ZMYM1: variants seen among roughly 807,000 people sequenced by gnomAD.
ZMYM1 encodes the protein zinc finger MYM-type protein 1.
Under a neutral mutation model 60.0 loss-of-function variants are expected in ZMYM1, and 39 were observed. The ratio of observed to expected loss-of-function variants is 0.65; its 90% CI spans 0.50 to 0.85. The LOEUF (loss-of-function observed/expected upper bound fraction) is 0.85. Ranked by LOEUF, ZMYM1 falls within the 40% of genes least tolerant of loss-of-function variation. The pLI, the probability that ZMYM1 is intolerant of heterozygous loss-of-function variation, is 0.00. For missense variants in ZMYM1, 1,171 were observed against 1,309.5 expected, an observed-to-expected ratio of 0.89 and a Z score of 1.63; for synonymous variants, 413 against 454.0, an observed-to-expected ratio of 0.91 and a Z score of 1.15.
In ZMYM1 at chr1:35,114,856, C is replaced by T; in HGVS notation, c.3026C>T (p.Thr1009Ile). ...FKWNEPLNET[T>I]AKHVQEFYKL... ...TGGAATGAACCATTAAATGAAACAA[C>T]AGCAAAACATGTTCAGGAATTTTAT... Residue 1009 changes from threonine (T) to isoleucine (I), a missense_variant, in exon 10 of 10, where the codon ACA becomes ATA. Physicochemically the swap from Thr to Ile is moderately conservative, Grantham distance 89. Transcript: ENST00000359858. The T allele has an allele frequency of 1.2e-6, 2 of 1,605,956 alleles. No homozygotes were observed. The highest frequency in any genetic ancestry group is 2.2e-5 in the South Asian group (2 of 89,602).
rs1383154668 is a variant in ZMYM1, at chr1:35,110,380, G to A, written c.894G>A (p.Lys298=). The part of the protein sequence containing the change: ...EMIETTSDLG[K]TELFCSINCF... ...TTGAGACTACGAGTGATTTGGGGAA[G>A]ACAGAGCTTTTCTGCTCTATTAATT... is the stretch of plus-strand genomic sequence containing the variant. Residue 298 remains lysine, a synonymous_variant, in exon 7 of 10, where the codon AAG becomes AAA. Coordinates refer to ENST00000359858, the MANE Select transcript of ZMYM1 (RefSeq NM_024772.5). 1 of 1,595,324 alleles carries A rather than the reference G, an allele frequency of 6.3e-7. No individual in the cohort carries two copies. Among genetic ancestry groups the A allele is most frequent in the South Asian group, 1.1e-5 (1 of 87,974 alleles).
chr1:35,113,672 T>C lies in ZMYM1; in HGVS notation c.1842T>C (p.Ser614=), dbSNP rs373033606. 2.0e-5 allele frequency: 33 copies of C among 1,613,554 alleles called. No homozygotes were observed. The East Asian group carries it at 3.1e-4, about 15-fold the overall frequency. ...ATTCACAAGTTGACTTCTATAACAGTACACAAATTCAAAGTGATATTATCG... is the reference window on the plus strand; with the variant it reads ...ATTCACAAGTTGACTTCTATAACAGCACACAAATTCAAAGTGATATTATCG... The part of the protein sequence containing the change: ...LMNSQVDFYN[S]TQIQSDIIEI... Residue 614 remains serine, a synonymous_variant, in exon 10 of 10, where the codon AGT becomes AGC. Transcript: ENST00000359858.
chr1:35,083,150 GTTTCT>G (rs1642477871), intron 1 of ZMYM1, among the ~76,000 whole-genome samples: 1 of 150,118 alleles, frequency 6.7e-6, no homozygotes, highest in African/African-American at 2.4e-5. Context: ...GGGTTTTATT[GTTTCT>G]TTTCTTTTTT....
intron 4 of ZMYM1, among the ~76,000 whole-genome samples, chr1:35,100,962 C>A (rs892968146): frequency 6.6e-6 from 1 of 151,944 alleles, no homozygotes; most frequent in African/African-American, 2.4e-5. Context: ...TGCCACCCTG[C>A]CTGTCCAGTT....
intron 1 of ZMYM1, among the ~76,000 whole-genome samples, chr1:35,071,905 A>G (rs1272979774): frequency 6.6e-6 from 1 of 152,180 alleles, no homozygotes; most frequent in Non-Finnish European, 1.5e-5. Context: ...TTGGGAGGCT[A>G]AGGCGGGCAG....
chr1:35,115,102 C>G lies in ZMYM1; in HGVS notation c.3272C>G (p.Pro1091Arg). Residue 1091 changes from proline to arginine, a missense_variant, in exon 10 of 10, where the codon CCT (proline) becomes CGT (arginine). Physicochemically the swap from Pro to Arg is moderately radical, Grantham distance 103 (BLOSUM62 -2). Transcript: ENST00000359858. ...ASTENSFSTL[P>R]RLKTYLCNTM... ...ACTGAGAACTCATTTTCTACCCTGCCTCGTCTTAAGACATATTTATGTAAT... is the reference window on the plus strand; with the variant it reads ...ACTGAGAACTCATTTTCTACCCTGCGTCGTCTTAAGACATATTTATGTAAT... 5 of 1,614,062 alleles carry G rather than the reference C, an allele frequency of 3.1e-6. No homozygotes were observed. The highest frequency in any genetic ancestry group is 4.2e-6 in the Non-Finnish European group (5 of 1,179,982).
upstream of ZMYM1, among the ~76,000 whole-genome samples, chr1:35,076,869 T>C (rs1569853422): frequency 6.7e-6 from 1 of 149,126 alleles, no homozygotes. Context: ...GAGGCAGAGG[T>C]TGCAGTGAGC....
chr1:35,117,036 G>A (rs1056641040), downstream of ZMYM1, among the ~76,000 whole-genome samples: 17 of 148,830 alleles, frequency 1.1e-4, no homozygotes, highest in Non-Finnish European at 2.1e-4. Context: ...GTAGAGACGG[G>A]GTTTCACCGT....
intron 6 of ZMYM1, among the ~76,000 whole-genome samples, chr1:35,105,405 G>A (rs1453773526): frequency 6.6e-6 from 1 of 151,748 alleles, no homozygotes; most frequent in Non-Finnish European, 1.5e-5. Flanking sequence ...CCAAAGTGCT[G>A]GGATTACAGG....
chr1:35,112,049 A>G (rs2148569453), intron 8 of ZMYM1, 38 bp from the exon 9 acceptor site: 1 of 1,600,500 alleles, frequency 6.2e-7, no homozygotes, highest in Non-Finnish European at 8.5e-7. Context: ...TATAGGTTAT[A>G]GTATATAAGA....
intron 9 of ZMYM1, 125 bp from the exon 10 acceptor site, chr1:35,112,852 C>A (rs1644141502): frequency 1.3e-6 from 1 of 779,820 alleles, no homozygotes; most frequent in Non-Finnish European, 1.8e-6. Flanking sequence ...GTTAACGTTT[C>A]CCCCTAGTGG....
At chr1:35,074,671 T>G (rs188939030), upstream of ZMYM1, among the ~76,000 whole-genome samples, 3 of 152,098 alleles carry the variant, frequency 2.0e-5, no homozygotes, top group African/African-American at 7.2e-5. Context: ...CCTCCCAAAG[T>G]GCTGGGATTA....
downstream of ZMYM1, among the ~76,000 whole-genome samples, chr1:35,117,088 C>T (rs1644257547): frequency 6.6e-6 from 1 of 150,692 alleles, no homozygotes; most frequent in African/African-American, 2.4e-5. Context: ...GCCTCGGCCT[C>T]CCAAAGTGCT....
intron 1 of ZMYM1, among the ~76,000 whole-genome samples, chr1:35,084,017 A>G (rs1029296959): frequency 1.3e-5 from 2 of 152,210 alleles, no homozygotes; most frequent in African/African-American, 4.8e-5. Context: ...TTCTTATTCT[A>G]GAACTGAATA....
rs145984480 is a variant in ZMYM1 at position 35,103,430 on chromosome 1, C to T, written c.420-865C>T. Among the ~76,000 whole-genome samples the T allele has an allele frequency of 2.7e-3, 406 of 152,202 alleles. 12 individuals carry two copies. In the East Asian group the frequency reaches 0.065, roughly 24 times the overall value. Reference sequence around the variant, plus strand: ...TGACTTTTTGTGTCTGGTTCTTTCCCTTAGCATAATATTTTCAAGGTTTGT... The same window carrying T: ...TGACTTTTTGTGTCTGGTTCTTTCCTTTAGCATAATATTTTCAAGGTTTGT... On this transcript the variant is annotated intron_variant, in intron 4 of 9. Transcript: ENST00000359858.
Position 35,113,970 on chromosome 1 carries a change from C to T in ZMYM1, c.2140C>T (p.Gln714Ter), listed in dbSNP as rs1406708252. The change falls in exon 10 of 10, where the codon CAG becomes TAG. Residue 714 changes from glutamine (Q) to a stop codon, truncating the protein, a stop_gained. Coordinates refer to ENST00000359858, the MANE Select transcript of ZMYM1 (RefSeq NM_024772.5). LOFTEE classifies it low-confidence loss of function (END_TRUNC). ...AGTTGATATGGATAAAATACATGGC[C>T]AGGCCTATGATAGCACCACTAATTT... ...IGVDMDKIHG[Q>*]AYDSTTNLKI... The T allele has an allele frequency of 6.2e-7, 1 of 1,613,286 alleles. No homozygotes were observed. Among genetic ancestry groups the T allele is most frequent in the Non-Finnish European group, 8.5e-7 (1 of 1,179,810 alleles).
At chr1:35,089,769 G>A (rs575233607) in intron 1 of ZMYM1, among the ~76,000 whole-genome samples, 2 of 82,628 alleles carry the variant, frequency 2.4e-5, no homozygotes, top group South Asian at 8.6e-4. Context: ...TTTTTGAGAT[G>A]GAGTCTTGTT....
chr1:35,118,716 A>T (rs1638564060), downstream of ZMYM1, among the ~76,000 whole-genome samples: 1 of 152,170 alleles, frequency 6.6e-6, no homozygotes, highest in Admixed American at 6.5e-5. Flanking sequence ...CAAAAAAAAA[A>T]TCGAGGTTGG....
intron 6 of ZMYM1, among the ~76,000 whole-genome samples, chr1:35,106,349 C>T (rs1643888359): frequency 6.6e-6 from 1 of 152,088 alleles, no homozygotes; most frequent in African/African-American, 2.4e-5. Flanking sequence ...TGGCTGATGC[C>T]TATAATCCCA....
Sources: allele counts gnomAD v4.1 joint callset (sites outside exome capture counted in the v4.1 genomes callset), GRCh38; gene constraint gnomAD v4.1.1; transcripts MANE v1.5; gene names NCBI Gene and HGNC (gene_info 2026-07-23, HGNC 2026-07-21).